The following HADHB variants were observed in gnomAD, a reference collection of about 807,000 sequenced individuals.
HADHB encodes trifunctional enzyme subunit beta, mitochondrial.
In HADHB, 50 loss-of-function variants were observed where a neutral mutation model predicts 61.9. The observed-to-expected ratio is 0.81, with a 90% CI of 0.64 to 1.02. The LOEUF is 1.02. HADHB is among the 50% of genes least tolerant of loss of function. The pLI, the probability that HADHB is intolerant of heterozygous loss-of-function variation, is 0.00. For missense variants in HADHB, 504 were observed against 586.5 expected (o/e 0.86, Z 1.45); for synonymous variants, 191 against 201.6 (o/e 0.95, Z 0.45).
intron 4 of HADHB, among the ~76,000 whole-genome samples, 182 bp from the exon 5 acceptor site, chr2:26,269,771 A>G (rs902633318): frequency 6.6e-6 from 1 of 152,212 alleles, no homozygotes; most frequent in Non-Finnish European, 1.5e-5. Flanking sequence ...TAGACTTTTA[A>G]GGATGACAAA....
chr2:26,259,688 GTTAGT>G (rs956691094), intron 3 of HADHB, among the ~76,000 whole-genome samples: 3 of 152,212 alleles, frequency 2.0e-5, no homozygotes, highest in African/African-American at 7.2e-5. Flanking sequence ...GCCTTGTAGA[GTTAGT>G]TTAATTACTT....
intron 11 of HADHB, 31 bp from the exon 12 acceptor site, chr2:26,282,973 C>A: frequency 6.2e-7 from 1 of 1,601,828 alleles, no homozygotes; most frequent in Non-Finnish European, 8.6e-7. Flanking sequence ...TATTTTATTA[C>A]CAAAGCTCAC....
intron 3 of HADHB, among the ~76,000 whole-genome samples, chr2:26,259,104 A>C (rs1671758300): frequency 6.6e-6 from 1 of 152,182 alleles, no homozygotes; most frequent in Non-Finnish European, 1.5e-5. Context: ...GGAAATCCTG[A>C]GTGGGCACCA....
chr2:26,254,315 T>G lies in HADHB; in HGVS notation c.61T>G (p.Phe21Val), dbSNP rs756430935. Reference protein sequence around the residue: ...LPTASKWALRFSIRPLSCSSQ... With the variant: ...LPTASKWALRVSIRPLSCSSQ... ...CACTGCATCAAAATGGGCCCTCAGA[T>G]TTTGTAAGTTTATTATTATTTTTTT... The change falls in exon 2 of 16, where the codon TTT becomes GTT. Residue 21 changes from phenylalanine (F) to valine (V), a missense_variant. Transcript: ENST00000317799. The G allele has an allele frequency of 1.3e-6, 2 of 1,545,174 alleles. No individual in the cohort carries two copies. The highest frequency in any genetic ancestry group is 2.2e-5 in the South Asian group (2 of 89,322).
chr2:26,282,973 C>T, intron 11 of HADHB, 31 bp from the exon 12 acceptor site: 1 of 1,601,828 alleles, frequency 6.2e-7, no homozygotes, highest in Non-Finnish European at 8.6e-7. Context: ...TATTTTATTA[C>T]CAAAGCTCAC....
chr2:26,282,960 C>T, intron 11 of HADHB, 36 bp downstream of exon 11: 1 of 1,592,076 alleles, frequency 6.3e-7, no homozygotes, highest in East Asian at 2.2e-5. Context: ...TCTCTGATTT[C>T]TTTATTTTAT....
rs541734514 is a variant in HADHB at position 26,250,649 on chromosome 2, A to T, written c.-8-3598A>T. 3.4e-3 allele frequency among the ~76,000 whole-genome samples: 511 copies of T among 149,714 alleles called. 5 individuals are homozygous for T. The highest frequency in any genetic ancestry group is 5.9e-3 in the Non-Finnish European group (400 of 67,432). Reference sequence around the variant, plus strand: ...AGGAGTTTGAGACTAGCCTGTCTCTAAAGTTTTTTTTTTTTTTTTTAATTA... The same window carrying T: ...AGGAGTTTGAGACTAGCCTGTCTCTTAAGTTTTTTTTTTTTTTTTTAATTA... On this transcript the variant is annotated intron_variant, in intron 1 of 15. Coordinates refer to ENST00000317799, the MANE Select transcript of HADHB (RefSeq NM_000183.3).
At chr2:26,285,739 G>GTTTTTTTTTGTTTTTTTTTTTTTTTTTT (rs1673001596) in intron 15 of HADHB, among the ~76,000 whole-genome samples, 168 bp downstream of exon 15, 1 of 65,078 alleles carries the variant, frequency 1.5e-5, no homozygotes, top group African/African-American at 6.6e-5. Flanking sequence ...TGTTTTTTGG[G>GTTTTTTTTTGTTTTTTTTTTTTTTTTTT]TTTTTTTTTT....
intron 6 of HADHB, among the ~76,000 whole-genome samples, chr2:26,275,395 A>T (rs1273042250): frequency 6.6e-6 from 1 of 152,188 alleles, no homozygotes; most frequent in Non-Finnish European, 1.5e-5. Flanking sequence ...CAGCTTAAAG[A>T]CATCTTCCTC....
chr2:26,263,330 A>G, intron 3 of HADHB, 50 bp from the exon 4 acceptor site: 1 of 1,051,220 alleles, frequency 9.5e-7, no homozygotes, highest in Non-Finnish European at 1.5e-6. Flanking sequence ...AAGTCATCAG[A>G]CTTTATATAT....
At chr2:26,253,483 C>T (rs774048286) in intron 1 of HADHB, among the ~76,000 whole-genome samples, 8 of 152,120 alleles carry the variant, frequency 5.3e-5, no homozygotes, top group South Asian at 2.1e-4. Flanking sequence ...TTTATTATCA[C>T]GCCTAGCAGT....
At position 26,259,117 on chromosome 2, in the gene HADHB, T is replaced by C. The variant is rs72849971; in HGVS notation, c.110-4263T>C. On this transcript the variant is annotated intron_variant, in intron 3 of 15. Coordinates refer to ENST00000317799, the MANE Select transcript of HADHB (RefSeq NM_000183.3). ...TTGGAAATCCTGAGTGGGCACCAAT[T>C]ACTTACTGCACGGTCACTTCACTTT... Among the ~76,000 whole-genome samples the C allele has an allele frequency of 5.8e-3, 885 of 152,298 alleles. 7 individuals are homozygous for C. Among genetic ancestry groups the C allele is most frequent in the African/African-American group, 0.02 (829 of 41,560 alleles).
At position 26,277,059 on chromosome 2, in the gene HADHB, T is replaced by G. The variant is rs1320737243; in HGVS notation, c.355-14T>G. 7.4e-7 allele frequency: 1 copy of G among 1,352,968 alleles called. No individual in the cohort carries two copies. The highest frequency in any genetic ancestry group is 2.3e-5 in the East Asian group (1 of 43,746). The allele number at this position is 1,352,968 out of a possible 1,614,324, so 83.8% of individuals were successfully genotyped here. ...CCCTTATAGTGATCATTTCATTCAC[T>G]CTATTTCCTAAAGGCTGCCCTTGGA... On this transcript the variant is annotated splice_polypyrimidine_tract_variant and intron_variant, in intron 6 of 15. Coordinates refer to ENST00000317799, the MANE Select transcript of HADHB (RefSeq NM_000183.3).
At chr2:26,285,739 G>GTTTTTTTTTTCTTTTTTTTTTTTTTTTT (rs1673001766) in intron 15 of HADHB, among the ~76,000 whole-genome samples, 168 bp downstream of exon 15, 1 of 65,082 alleles carries the variant, frequency 1.5e-5, no homozygotes, top group African/African-American at 6.6e-5. Flanking sequence ...TGTTTTTTGG[G>GTTTTTTTTTTCTTTTTTTTTTTTTTTTT]TTTTTTTTTT....
rs1671845120 is a variant in HADHB, at chr2:26,261,160, C to A, written c.110-2220C>A. On this transcript the variant is annotated intron_variant, in intron 3 of 15. Coordinates refer to ENST00000317799, the MANE Select transcript of HADHB (RefSeq NM_000183.3). The stretch of plus-strand genomic sequence containing the variant: ...TTGGCAGGGACTGTAAGCAGGGCAA[C>A]TCCCTTTAGAGGGGCCTGTGGGATG... The A allele has an allele frequency of 4.5e-6, 3 of 672,448 alleles. No individual in the cohort carries two copies. The Admixed American group carries it at 6.7e-5, about 15-fold the overall frequency. The allele number at this position is 672,448 out of a possible 1,614,324, so 41.7% of individuals were successfully genotyped here.
Position 26,274,582 on chromosome 2 carries a change from AAACT to A in HADHB, c.354+837_354+840del, listed in dbSNP as rs564831691. Reference sequence around the variant, plus strand: ...AGGCCTGGCATGACTGAAGCCTACGAAACTAACTGTGTGCTGTTGAGGGGCAGGA... The same window carrying A: ...AGGCCTGGCATGACTGAAGCCTACGAAACTGTGTGCTGTTGAGGGGCAGGA... On this transcript the variant is annotated intron_variant, in intron 6 of 15. Transcript: ENST00000317799. 2.8e-3 allele frequency among the ~76,000 whole-genome samples: 430 copies of A among 152,334 alleles called. 1 individual carries two copies. Among genetic ancestry groups the A allele is most frequent in the Middle Eastern group, 0.014 (4 of 294 alleles).
At chr2:26,267,732 A>T (rs1396016420) in intron 4 of HADHB, among the ~76,000 whole-genome samples, 5 of 150,120 alleles carry the variant, frequency 3.3e-5, no homozygotes, top group Admixed American at 6.8e-5. Context: ...ACATCGTGCC[A>T]CTGCACTCCA....
At position 26,285,433 on chromosome 2, in the gene HADHB, T is replaced by A. The variant is rs762490580; in HGVS notation, c.1251T>A (p.Phe417Leu). Residue 417 changes from phenylalanine (F) to leucine (L), a missense_variant, in exon 15 of 16, where the codon TTT becomes TTA. Coordinates refer to ENST00000317799, the MANE Select transcript of HADHB (RefSeq NM_000183.3). ...TTGGATTGCCTCCTTTGGAGAAGTT[T>A]AATAACTGGGGTGGATCTCTGTCCC... is the stretch of plus-strand genomic sequence containing the variant. ...TKVGLPPLEKFNNWGGSLSLG... is the reference protein window; with the variant it reads ...TKVGLPPLEKLNNWGGSLSLG... 2 of 1,613,764 alleles carry A rather than the reference T, an allele frequency of 1.2e-6. No individual in the cohort carries two copies. Among genetic ancestry groups the A allele is most frequent in the Non-Finnish European group, 1.7e-6 (2 of 1,179,798 alleles).
chr2:26,257,183 C>G (rs1480543698), intron 3 of HADHB, among the ~76,000 whole-genome samples: 2 of 149,278 alleles, frequency 1.3e-5, no homozygotes, highest in Non-Finnish European at 3.0e-5. Flanking sequence ...TGCAGTGGCA[C>G]AGTCTCGGCT....
Sources: allele counts gnomAD v4.1 joint callset (sites outside exome capture counted in the v4.1 genomes callset), GRCh38; gene constraint gnomAD v4.1.1; transcripts MANE v1.5; gene names NCBI Gene and HGNC (gene_info 2026-07-23, HGNC 2026-07-21).